LACTB2: variants seen among roughly 807,000 people sequenced by gnomAD.
LACTB2 encodes lactamase beta 2.
A neutral mutation model predicts 34.8 loss-of-function variants in LACTB2; 32 were observed. The ratio of observed to expected loss-of-function variants is 0.92; its 90% CI spans 0.69 to 1.24. The LOEUF is 1.24. LACTB2 is among the 50% of genes most tolerant of loss of function. The probability of loss-of-function intolerance (pLI) is 0.00; values close to 1 mark genes in which losing one functional copy is unlikely to be tolerated. For synonymous variants in LACTB2, 120 were observed against 117.5 expected, an observed-to-expected ratio of 1.02 and a Z score of -0.14; for missense variants, 320 against 345.0, an observed-to-expected ratio of 0.93 and a Z score of 0.57.
intron 3 of LACTB2, among the ~76,000 whole-genome samples, chr8:70,649,562 C>T (rs1818312109): frequency 1.3e-5 from 2 of 152,066 alleles, no homozygotes; most frequent in South Asian, 2.1e-4. Context: ...ACAACATCAC[C>T]GAATGCTGAT....
intron 1 of LACTB2, among the ~76,000 whole-genome samples, chr8:70,665,676 T>C (rs182400625): frequency 9.2e-5 from 14 of 152,292 alleles, no homozygotes; most frequent in Admixed American, 8.5e-4. Flanking sequence ...ACAACCTTCA[T>C]TGGGTTGTAT....
Position 70,639,407 on chromosome 8 carries a change from G to A in LACTB2, c.742-778C>T, listed in dbSNP as rs535707139. ...ACTCCTGACCTCGGGTGATCCGCCC[G>A]CCTCGGCCTCCCAAAGTGCTGGGAT... On this transcript the variant is annotated intron_variant, in intron 5 of 6. Transcript: ENST00000276590. 2.9e-4 allele frequency among the ~76,000 whole-genome samples: 44 copies of A among 151,966 alleles called. No homozygotes were observed. In the Middle Eastern group the frequency reaches 0.01, roughly 35 times the overall value.
intron 3 of LACTB2, among the ~76,000 whole-genome samples, chr8:70,649,489 A>T (rs150888731): frequency 1.9e-4 from 29 of 152,348 alleles, no homozygotes; most frequent in African/African-American, 7.0e-4. Flanking sequence ...TAACTGCAGG[A>T]AAGCAGGAAA....
chr8:70,658,360 A>G (rs1412652020), intron 2 of LACTB2, among the ~76,000 whole-genome samples: 1 of 152,194 alleles, frequency 6.6e-6, no homozygotes, highest in Non-Finnish European at 1.5e-5. Context: ...CTAAGATATT[A>G]AACCTTTAAA....
At chr8:70,647,539 C>T (rs1285263043) in intron 3 of LACTB2, among the ~76,000 whole-genome samples, 2 of 152,164 alleles carry the variant, frequency 1.3e-5, no homozygotes, top group East Asian at 1.9e-4. Context: ...AGGCAGGAGC[C>T]GCTGTACCCA....
rs1818192279 is a variant in LACTB2, at chr8:70,641,127, T to C, written c.593-77A>G. ...GTACAACAGAAGCTAACTCACTCTA[T>C]TTAAAAATAATTCATATGATATATT... On this transcript the variant is annotated intron_variant, in intron 4 of 6. Coordinates refer to ENST00000276590, the MANE Select transcript of LACTB2 (RefSeq NM_016027.3). The C allele has an allele frequency of 2.4e-6, 3 of 1,265,264 alleles. No individual in the cohort carries two copies. The East Asian group carries it at 8.0e-5, about 34-fold the overall frequency. The allele number at this position is 1,265,264 out of a possible 1,614,324, so 78.4% of individuals were successfully genotyped here. A position where few individuals can be genotyped will look rare whatever the true frequency, so the allele number is the denominator to read the frequency against.
At chr8:70,652,569 T>C (rs921882821) in intron 3 of LACTB2, 4 of 152,192 alleles carry the variant, frequency 2.6e-5, no homozygotes, top group African/African-American at 7.2e-5. Flanking sequence ...AAAAATTAAA[T>C]AGAATTCATA....
intron 4 of LACTB2, 53 bp from the exon 5 acceptor site, chr8:70,641,103 T>C: frequency 6.9e-6 from 10 of 1,448,468 alleles, no homozygotes; most frequent in Non-Finnish European, 9.3e-6. Context: ...AAATACTAAG[T>C]ACAACAGAAG....
At chr8:70,657,610 T>C (rs1019258405) in intron 3 of LACTB2, 146 bp downstream of exon 3, 4 of 591,460 alleles carry the variant, frequency 6.8e-6, no homozygotes, top group African/African-American at 1.9e-5. Context: ...AAATTTTTTT[T>C]TGGTATTGCC....
At chr8:70,650,239 C>T (rs769612117) in intron 3 of LACTB2, among the ~76,000 whole-genome samples, 1 of 152,080 alleles carries the variant, frequency 6.6e-6, no homozygotes, top group Non-Finnish European at 1.5e-5. Flanking sequence ...AAAAAATAAT[C>T]TATAAAAAGT....
At chr8:70,655,428 G>T (rs529371920) in intron 3 of LACTB2, among the ~76,000 whole-genome samples, 9 of 151,990 alleles carry the variant, frequency 5.9e-5, no homozygotes, top group Middle Eastern at 6.8e-3. Context: ...CATCATGTTG[G>T]CCAGGCTGGT....
rs752914269 is a variant in LACTB2, at chr8:70,644,278, T to C, written c.414-35A>G. On this transcript the variant is annotated intron_variant, in intron 3 of 6. Coordinates refer to ENST00000276590, the MANE Select transcript of LACTB2 (RefSeq NM_016027.3). ...AGAAGAAATAAGGAATAATAACAAT[T>C]ATGAACTCGAGCTTAGAAGAAATTT... 8 of 1,410,098 alleles carry C rather than the reference T, an allele frequency of 5.7e-6. No individual in the cohort carries two copies. The South Asian group carries it at 1.1e-4, about 20-fold the overall frequency. 87.3% of individuals were successfully genotyped at this position (1,410,098 alleles called of 1,614,324 possible).
intron 1 of LACTB2, among the ~76,000 whole-genome samples, chr8:70,666,713 G>A (rs1337374519): frequency 3.9e-5 from 6 of 152,258 alleles, no homozygotes; most frequent in Admixed American, 3.9e-4. Context: ...TGGACTGAGT[G>A]ACAGCAGGGG....
chr8:70,650,760 A>G (rs1056852281), intron 3 of LACTB2, among the ~76,000 whole-genome samples: 4 of 135,656 alleles, frequency 2.9e-5, no homozygotes, highest in Non-Finnish European at 4.9e-5. Flanking sequence ...AAAAAAAAAG[A>G]AAAAAAAAGA....
chr8:70,663,783 GCTTT>G (rs1040059545), intron 1 of LACTB2, among the ~76,000 whole-genome samples: 4 of 151,990 alleles, frequency 2.6e-5, no homozygotes, highest in Non-Finnish European at 5.9e-5. Flanking sequence ...ATCTTATCTT[GCTTT>G]TTTTCCATAG....
At chr8:70,656,273 C>T (rs921640416) in intron 3 of LACTB2, among the ~76,000 whole-genome samples, 6 of 152,196 alleles carry the variant, frequency 3.9e-5, no homozygotes, top group East Asian at 1.9e-4. Context: ...AAAGTCTAGA[C>T]GGGTTTTGCC....
chr8:70,659,586 T>A (rs1378632583), intron 2 of LACTB2, among the ~76,000 whole-genome samples: 1 of 152,224 alleles, frequency 6.6e-6, no homozygotes, highest in Admixed American at 6.5e-5. Context: ...TGACATTATA[T>A]AACAAGATTG....
In LACTB2 at chr8:70,637,854, C is replaced by T; in HGVS notation, c.*6G>A. 5.9e-6 allele frequency: 9 copies of T among 1,535,298 alleles called. No homozygotes were observed. The highest frequency in any genetic ancestry group is 7.9e-6 in the Non-Finnish European group (9 of 1,135,538). ...AAAATAAAACAAAGCTTTCTTTAAT[C>T]TGAAACTAAAGATGAGCTTTCCATT... is the stretch of plus-strand genomic sequence containing the variant. On this transcript the variant is annotated 3_prime_UTR_variant, in exon 7 of 7. Coordinates refer to ENST00000276590, the MANE Select transcript of LACTB2 (RefSeq NM_016027.3).
intron 2 of LACTB2, chr8:70,660,510 A>G (rs1818468202): frequency 2.4e-6 from 1 of 415,822 alleles, no homozygotes; most frequent in East Asian, 7.1e-5. Flanking sequence ...GGCCTAAAAA[A>G]GCAGATCTTT....
Sources: allele counts gnomAD v4.1 joint callset (sites outside exome capture counted in the v4.1 genomes callset), GRCh38; gene constraint gnomAD v4.1.1; transcripts MANE v1.5; gene names NCBI Gene and HGNC (gene_info 2026-07-23, HGNC 2026-07-21).